Variants in LRBA observed in about 807,000 individuals in gnomAD.
LRBA encodes the protein lipopolysaccharide-responsive and beige-like anchor protein.
Under a neutral mutation model 330.0 loss-of-function variants are expected in LRBA, and 176 were observed. The observed-to-expected ratio is 0.53, with a 90% confidence interval of 0.47 to 0.60. The LOEUF is 0.60. LRBA is among the 20% of genes least tolerant of loss of function. The pLI, the probability that LRBA is intolerant of heterozygous loss-of-function variation, is 0.00. For synonymous variants in LRBA, 1,230 were observed against 1,193.0 expected (o/e 1.03, Z -0.64); for missense variants, 3,259 against 3,444.8 (o/e 0.95, Z 1.35).
At chr4:150,482,114 G>A (rs1464508007) in intron 42 of LRBA, among the ~76,000 whole-genome samples, 3 of 151,942 alleles carry the variant, frequency 2.0e-5, no homozygotes, top group Non-Finnish European at 4.4e-5. Flanking sequence ...AAACATAGAG[G>A]CTTATGTAAG....
At chr4:150,695,858 G>C (rs1408730067) in intron 36 of LRBA, among the ~76,000 whole-genome samples, 4 of 152,016 alleles carry the variant, frequency 2.6e-5, no homozygotes, top group Non-Finnish European at 5.9e-5. Flanking sequence ...AAAAAACTAG[G>C]GTCTTTTAGT....
intron 2 of LRBA, among the ~76,000 whole-genome samples, chr4:150,957,537 A>G (rs1737671563): frequency 6.7e-6 from 1 of 148,150 alleles, no homozygotes; most frequent in South Asian, 2.1e-4. Flanking sequence ...CATTCTGCCC[A>G]CGGCCCCTCC....
At chr4:150,374,881 C>G (rs1010862181) in intron 47 of LRBA, among the ~76,000 whole-genome samples, 1 of 152,146 alleles carries the variant, frequency 6.6e-6, no homozygotes, top group Non-Finnish European at 1.5e-5. Flanking sequence ...GAAAGAATAG[C>G]TTAGCCTGAA....
In LRBA at chr4:150,588,104, C is replaced by A; in HGVS notation, c.6274G>T (p.Glu2092Ter). 1 of 1,611,980 alleles carries A rather than the reference C, an allele frequency of 6.2e-7. No homozygotes were observed. Residue 2092 changes from glutamate to a stop codon, truncating the protein, a stop_gained, in exon 40 of 57, where the codon GAA (glutamate) becomes TAA (stop). Transcript: ENST00000651943. LOFTEE classifies it high-confidence loss of function. Reference protein sequence around the residue: ...VKGTLSVTSSELYFEVDEEDP... With the variant: ...VKGTLSVTSS ...TCTTCATCCACCTCAAAATAGAGTT[C>A]GGAGGAGGTGACAGAAAGAGTGCCC...
At chr4:150,722,108 C>T (rs1180440909) in intron 36 of LRBA, among the ~76,000 whole-genome samples, 1 of 152,130 alleles carries the variant, frequency 6.6e-6, no homozygotes, top group Non-Finnish European at 1.5e-5. Flanking sequence ...AGCCTTCCAC[C>T]CTCCCCTCAG....
At chr4:151,004,027 T>C (rs990402370) in intron 2 of LRBA, among the ~76,000 whole-genome samples, 12 of 151,352 alleles carry the variant, frequency 7.9e-5, no homozygotes, top group African/African-American at 2.9e-4. Flanking sequence ...TCCACAAATC[T>C]CCTGCCTCAG....
At chr4:150,933,319 C>T (rs1483365826) in intron 2 of LRBA, among the ~76,000 whole-genome samples, 1 of 147,574 alleles carries the variant, frequency 6.8e-6, no homozygotes, top group Non-Finnish European at 1.5e-5. Context: ...TCCCAGGAAG[C>T]GGAGGTTGCA....
chr4:150,810,043 G>C (rs1345481513), intron 31 of LRBA, among the ~76,000 whole-genome samples: 1 of 152,088 alleles, frequency 6.6e-6, no homozygotes, highest in African/African-American at 2.4e-5. Context: ...GGTTAATTCT[G>C]GATATAGATA....
At chr4:150,980,419 C>G (rs80227222) in intron 2 of LRBA, among the ~76,000 whole-genome samples, 1 of 152,158 alleles carries the variant, frequency 6.6e-6, no homozygotes, top group Non-Finnish European at 1.5e-5. Context: ...TGGAACACAA[C>G]AAAGATGCCC....
At chr4:150,278,985 C>T (rs1297776936) in intron 55 of LRBA, among the ~76,000 whole-genome samples, 2 of 152,008 alleles carry the variant, frequency 1.3e-5, no homozygotes, top group Non-Finnish European at 2.9e-5. Flanking sequence ...CCACAACACC[C>T]GTCTAACTTT....
intron 2 of LRBA, 86 bp downstream of exon 2, chr4:151,014,341 G>A (rs1745188981): frequency 2.7e-6 from 3 of 1,093,408 alleles, no homozygotes; most frequent in Non-Finnish European, 4.1e-6. Flanking sequence ...CCATCAGTGT[G>A]AGTAAACCAC....
At position 150,270,474 on chromosome 4, in the gene LRBA, T is replaced by C. The variant is rs192069200; in HGVS notation, c.8469-4662A>G. On this transcript the variant is annotated intron_variant, in intron 56 of 56. Coordinates refer to ENST00000651943, the MANE Select transcript of LRBA (RefSeq NM_001364905.1). ...TTGTATGATTCCACTTAACAGAAGG[T>C]GCTTAGAAGAGGCAAATTCATAGAG... Among the ~76,000 whole-genome samples the C allele has an allele frequency of 1.0e-3, 156 of 152,270 alleles. No individual in the cohort carries two copies. In the Middle Eastern group the frequency reaches 0.027, roughly 27 times the overall value.
At chr4:150,826,455 T>C (rs915412230) in intron 30 of LRBA, among the ~76,000 whole-genome samples, 1 of 152,190 alleles carries the variant, frequency 6.6e-6, no homozygotes, top group African/African-American at 2.4e-5. Flanking sequence ...TGCCCTTATC[T>C]ATTAATATAA....
chr4:150,722,958 C>T (rs1729128360), intron 36 of LRBA, among the ~76,000 whole-genome samples: 1 of 151,966 alleles, frequency 6.6e-6, no homozygotes, highest in African/African-American at 2.4e-5. Context: ...CCTGTCAGAG[C>T]AAAGAATAAA....
At chr4:150,659,042 G>A (rs1191754317) in intron 37 of LRBA, among the ~76,000 whole-genome samples, 2 of 128,636 alleles carry the variant, frequency 1.6e-5, no homozygotes, top group Non-Finnish European at 3.4e-5. Flanking sequence ...AGGCTGGAGT[G>A]CAGTGGCGTG....
At chr4:150,584,283 C>T (rs1232316031) in intron 40 of LRBA, 2 of 586,754 alleles carry the variant, frequency 3.4e-6, no homozygotes, top group Non-Finnish European at 5.4e-6. Flanking sequence ...GCAACCCAAC[C>T]AAAACAAATC....
chr4:150,396,480 T>TCACACA (rs10641158), intron 47 of LRBA, among the ~76,000 whole-genome samples: 31,761 of 145,702 alleles, frequency 0.22, 3,964 homozygotes, highest in Non-Finnish European at 0.3. Flanking sequence ...AAATCTCATC[T>TCACACA]CACACACACA....
chr4:150,384,312 A>G (rs996763614), intron 47 of LRBA, among the ~76,000 whole-genome samples: 1 of 152,160 alleles, frequency 6.6e-6, no homozygotes, highest in Admixed American at 6.6e-5. Context: ...TGCTGGGATT[A>G]CAGGCCTGAG....
Position 150,583,703 on chromosome 4 carries a change from C to T in LRBA, c.6330+4345G>A, listed in dbSNP as rs1245866053. On this transcript the variant is annotated intron_variant, in intron 40 of 56. Coordinates refer to ENST00000651943, the MANE Select transcript of LRBA (RefSeq NM_001364905.1). This position sits in a 1 kb window ranked among gnomAD's most constrained non-coding sequence, Gnocchi z 9.8. ...TCGCTGACCGGCAAGCAGAGCTCGG[C>T]AGAGAGCGACGCCTGGGTGCTACAG... The T allele has an allele frequency of 1.2e-6, 2 of 1,613,384 alleles. No homozygotes were observed. The highest frequency in any genetic ancestry group is 1.7e-6 in the Non-Finnish European group (2 of 1,179,712).
Sources: gnomAD v4.1 joint callset for allele counts (sites outside exome capture counted in the v4.1 genomes callset) on GRCh38, gnomAD v4.1.1 for gene constraint, Gnocchi (gnomAD v3.1) non-coding constraint, MANE v1.5 for transcripts, NCBI Gene and HGNC (gene_info 2026-07-23, HGNC 2026-07-21) for gene names.